The following PRKCH variants were observed in gnomAD, a reference collection of about 807,000 sequenced individuals.
PRKCH encodes protein kinase C eta, also known as protein kinase C eta type.
In PRKCH, 28 loss-of-function variants were observed where a neutral mutation model predicts 82.5. The observed-to-expected ratio is 0.34, with a 90% CI of 0.25 to 0.47. The LOEUF is 0.47. Ranked by LOEUF, PRKCH falls within the 20% of genes least tolerant of loss-of-function variation. The pLI is 1.00. For synonymous variants in PRKCH, 322 were observed against 327.4 expected (o/e 0.98, Z 0.18); for missense variants, 705 against 881.8 (o/e 0.80, Z 2.54).
At chr14:61,510,847 GCAGT>G (rs747007709) in intron 10 of PRKCH, among the ~76,000 whole-genome samples, 7 of 152,118 alleles carry the variant, frequency 4.6e-5, no homozygotes, top group African/African-American at 7.3e-5. Flanking sequence ...CTGGCAGATG[GCAGT>G]CAGATGTCTT....
At chr14:61,412,994 T>C (rs957274785) in intron 2 of PRKCH, among the ~76,000 whole-genome samples, 1 of 152,206 alleles carries the variant, frequency 6.6e-6, no homozygotes, top group African/African-American at 2.4e-5. Flanking sequence ...GACCACACTT[T>C]GTTTAGTCCC....
At position 61,458,017 on chromosome 14, in the gene PRKCH, C is replaced by G. The variant is rs17098394; in HGVS notation, c.1278+338C>G. ...AAGAACAGAGAAAATGCCATGGGCT[C>G]ATTGTCTTGATGAATTTGGCTGTGA... On this transcript the variant is annotated intron_variant, in intron 9 of 13. Transcript: ENST00000332981. 0.019 allele frequency among the ~76,000 whole-genome samples: 2,867 copies of G among 152,262 alleles called. 196 individuals carry two copies. The East Asian group carries it at 0.26, about 14-fold the overall frequency.
intron 1 of PRKCH, among the ~76,000 whole-genome samples, chr14:61,291,561 C>T (rs967966445): frequency 6.6e-6 from 1 of 152,074 alleles, no homozygotes; most frequent in African/African-American, 2.4e-5. Flanking sequence ...AACTCCTGAC[C>T]TCAGGTGATC....
chr14:61,272,134 A>T (rs2045159404), intron 1 of PRKCH, among the ~76,000 whole-genome samples: 1 of 151,512 alleles, frequency 6.6e-6, no homozygotes, highest in East Asian at 2.0e-4. Flanking sequence ...AGGCTGAGGC[A>T]GGAGAATGGC....
chr14:61,496,444 T>A (rs1886672068), intron 10 of PRKCH, among the ~76,000 whole-genome samples: 1 of 152,180 alleles, frequency 6.6e-6, no homozygotes, highest in South Asian at 2.1e-4. Context: ...TTTCCACACG[T>A]TTCCCCCTGC....
At chr14:61,457,105 G>T (rs1483348469) in intron 7 of PRKCH, 71 bp from the exon 8 acceptor site, 6 of 1,546,460 alleles carry the variant, frequency 3.9e-6, no homozygotes. Context: ...CAGCCAATAA[G>T]GTCTTCTTCG....
intron 1 of PRKCH, among the ~76,000 whole-genome samples, chr14:61,362,061 GTGCAGTGGCCCA>G (rs917430336): frequency 2.0e-4 from 30 of 152,360 alleles, no homozygotes; most frequent in African/African-American, 6.0e-4. Context: ...AACAAGCTGA[GTGCAGTGGCCCA>G]TGCCTGTAAT....
intron 9 of PRKCH, among the ~76,000 whole-genome samples, chr14:61,472,574 A>C (rs1222574086): frequency 6.6e-6 from 1 of 152,184 alleles, no homozygotes; most frequent in Non-Finnish European, 1.5e-5. Flanking sequence ...TGCCATTTCA[A>C]CTTGAAATGT....
chr14:61,508,210 A>T (rs1887236181), intron 10 of PRKCH, among the ~76,000 whole-genome samples: 1 of 152,162 alleles, frequency 6.6e-6, no homozygotes, highest in Admixed American at 6.5e-5. Flanking sequence ...ATTTAAAAAA[A>T]CCACAGCTCA....
At chr14:61,201,961 T>A (rs2044485096) in intron 1 of PRKCH, among the ~76,000 whole-genome samples, 2 of 152,260 alleles carry the variant, frequency 1.3e-5, no homozygotes, top group South Asian at 4.1e-4. Context: ...ATTTTATTTC[T>A]TTCCATTTAA....
rs1291306032 is a variant in PRKCH, at chr14:61,445,672, A to G, written c.579-20A>G. The G allele has an allele frequency of 1.9e-6, 3 of 1,601,874 alleles. No individual in the cohort carries two copies. The highest frequency in any genetic ancestry group is 2.6e-6 in the Non-Finnish European group (3 of 1,168,918). On this transcript the variant is annotated intron_variant, in intron 3 of 13. Transcript: ENST00000332981. ...ATTGCTGAAATACTTGACTGATGGTAGTTTTCTTCTCTTCAACAGGGGAGT... is the reference window on the plus strand; with the variant it reads ...ATTGCTGAAATACTTGACTGATGGTGGTTTTCTTCTCTTCAACAGGGGAGT...
intron 9 of PRKCH, among the ~76,000 whole-genome samples, chr14:61,479,685 T>C (rs552661202): frequency 3.3e-5 from 5 of 152,340 alleles, no homozygotes; most frequent in African/African-American, 1.2e-4. Flanking sequence ...ACCTTACTTA[T>C]ACTGACAGCC....
At chr14:61,337,572 C>T (rs183948796) in intron 1 of PRKCH, among the ~76,000 whole-genome samples, 7 of 152,284 alleles carry the variant, frequency 4.6e-5, no homozygotes, top group Admixed American at 1.3e-4. Flanking sequence ...AGTCGTGCAC[C>T]ACCGTGGTTG....
At chr14:61,241,926 T>G (rs545238664) in intron 1 of PRKCH, among the ~76,000 whole-genome samples, 1 of 152,294 alleles carries the variant, frequency 6.6e-6, no homozygotes, top group African/African-American at 2.4e-5. Context: ...ATCATGCCAT[T>G]ATTTGAGAAT....
In PRKCH at chr14:61,355,532, A is replaced by AT. The variant is rs950940542; in HGVS notation, c.363+33077dup. 1.5e-4 allele frequency among the ~76,000 whole-genome samples: 23 copies of AT among 151,478 alleles called. 1 individual carries two copies. Among genetic ancestry groups the AT allele is most frequent in the South Asian group, 4.2e-4 (2 of 4,772 alleles). ...GTGTATCCCTTGGGTCAAATGGAGG[A>AT]TTTTTTTTTAAAGGATGATCATCAA... On this transcript the variant is annotated intron_variant, in intron 1 of 13. Coordinates refer to ENST00000332981, the MANE Select transcript of PRKCH (RefSeq NM_006255.5).
chr14:61,435,796 A>G (rs886734239), intron 2 of PRKCH, among the ~76,000 whole-genome samples: 1 of 152,218 alleles, frequency 6.6e-6, no homozygotes, highest in Non-Finnish European at 1.5e-5. Flanking sequence ...CAGTTGATGA[A>G]TGAACATCCA....
intron 1 of PRKCH, among the ~76,000 whole-genome samples, chr14:61,385,848 G>C (rs570707930): frequency 6.6e-6 from 1 of 152,312 alleles, no homozygotes; most frequent in East Asian, 1.9e-4. Context: ...ACTACAACAT[G>C]ATGTGGGTTC....
At chr14:61,548,861 C>CA (rs11424840) in intron 13 of PRKCH, among the ~76,000 whole-genome samples, 105,552 of 128,784 alleles carry the variant, frequency 0.82, 43,770 homozygotes, top group Non-Finnish European at 0.9. Flanking sequence ...GACTTTGTCT[C>CA]AAAAAAAAAA....
At chr14:61,445,810 C>CCTTAATTTTGTGATATTATT in intron 4 of PRKCH, 84 bp downstream of exon 4, 1 of 1,358,902 alleles carries the variant, frequency 7.4e-7, no homozygotes, top group Admixed American at 1.7e-5. Flanking sequence ...AGGGTATCTT[C>CCTTAATTTTGTGATATTATT]CCTTAATATT....
Sources: allele counts gnomAD v4.1 joint callset (sites outside exome capture counted in the v4.1 genomes callset), GRCh38; gene constraint gnomAD v4.1.1; transcripts MANE v1.5; gene names NCBI Gene and HGNC (gene_info 2026-07-23, HGNC 2026-07-21).